Variants in UFL1 observed in about 807,000 individuals in gnomAD.
UFL1 encodes the protein UFM1 specific ligase 1.
Under a neutral mutation model 99.3 loss-of-function variants are expected in UFL1, and 78 were observed. The ratio of observed to expected loss-of-function variants is 0.79; its 90% CI spans 0.65 to 0.95. The LOEUF (loss-of-function observed/expected upper bound fraction) is 0.95. Ranked by LOEUF, UFL1 falls within the 40% of genes least tolerant of loss-of-function variation. UFL1 has a pLI of 0.00. For synonymous variants in UFL1, 335 were observed against 322.2 expected (o/e 1.04, Z -0.42); for missense variants, 936 against 937.0 (o/e 1.00, Z 0.01).
In UFL1 at chr6:96,553,520, T is replaced by A. The variant is rs55977444; in HGVS notation, c.*17T>A. 5.2e-5 allele frequency: 84 copies of A among 1,608,296 alleles called. No homozygotes were observed. Among genetic ancestry groups the A allele is most frequent in the Non-Finnish European group, 7.0e-5 (82 of 1,177,088 alleles). On this transcript the variant is annotated 3_prime_UTR_variant, in exon 19 of 19. Transcript: ENST00000369278. ...GAAGAGTAATGATCTTAATTTACAT[T>A]TGTCATATAGTAAGCATTTTCCCCC... is the stretch of plus-strand genomic sequence containing the variant.
chr6:96,537,457 T>C lies in UFL1; in HGVS notation c.886T>C (p.Leu296=), dbSNP rs750096768. The change falls in exon 9 of 19, where the codon TTG becomes CTG. Residue 296 remains leucine, a synonymous_variant. Coordinates refer to ENST00000369278, the MANE Select transcript of UFL1 (RefSeq NM_015323.5). The part of the protein sequence containing the change: ...KRYKTTQLLF[L]KAACVGQGLV... ...ATATAAGACTACACAACTCTTGTTT[T>C]TGAAAGCAGCTTGTGTTGGTCAAGG... 10 of 1,610,652 alleles carry C rather than the reference T, an allele frequency of 6.2e-6. No homozygotes were observed. In the African/African-American group the frequency reaches 9.4e-5, roughly 15 times the overall value.
Position 96,525,377 on chromosome 6 carries a change from G to T in UFL1, c.333G>T (p.Leu111Phe). ...IKSEKHVQLV[L>F]GQLIDENYLD... ...CAGAAAAGCATGTTCAGTTAGTGTT[G>T]GGACAACTGATAGATGAGTAAGTAC... The change falls in exon 4 of 19, where the codon TTG (leucine) becomes TTT (phenylalanine). Residue 111 changes from leucine to phenylalanine, a missense_variant. Leu to Phe is a conservative substitution (Grantham distance 22). Coordinates refer to ENST00000369278, the MANE Select transcript of UFL1 (RefSeq NM_015323.5). 1 of 1,604,270 alleles carries T rather than the reference G, an allele frequency of 6.2e-7. No individual in the cohort carries two copies. Among genetic ancestry groups the T allele is most frequent in the South Asian group, 1.1e-5 (1 of 89,220 alleles).
At chr6:96,538,913 A>G (rs1376526927) in intron 10 of UFL1, 103 bp downstream of exon 10, 18 of 1,000,246 alleles carry the variant, frequency 1.8e-5, no homozygotes, top group Admixed American at 3.0e-5. Context: ...AACACTTTGT[A>G]TCATTTATTA....
At chr6:96,541,967 G>T (rs1228434664) in intron 11 of UFL1, among the ~76,000 whole-genome samples, 1 of 150,972 alleles carries the variant, frequency 6.6e-6, no homozygotes, top group Non-Finnish European at 1.5e-5. Context: ...TTTAAATCTA[G>T]GATGTGATGA....
chr6:96,549,629 G>A (rs1770049310), intron 14 of UFL1, 40 bp from the exon 15 acceptor site: 1 of 1,588,276 alleles, frequency 6.3e-7, no homozygotes. Context: ...TCATAATTTG[G>A]GGAATAAATT....
intron 15 of UFL1, 102 bp downstream of exon 15, chr6:96,549,901 G>A (rs1770054340): frequency 4.8e-5 from 71 of 1,474,528 alleles, no homozygotes; most frequent in Non-Finnish European, 6.1e-5. Flanking sequence ...AAAATACAGT[G>A]AAAGAGGTTT....
At chr6:96,524,494 G>C (rs190505018) in intron 3 of UFL1, 84 bp downstream of exon 3, 3 of 1,043,832 alleles carry the variant, frequency 2.9e-6, no homozygotes, top group Non-Finnish European at 4.1e-6. Flanking sequence ...ACTAATGCTG[G>C]TATCATATTT....
At chr6:96,535,816 A>G (rs1401502315) in intron 7 of UFL1, among the ~76,000 whole-genome samples, 1 of 152,028 alleles carries the variant, frequency 6.6e-6, no homozygotes, top group East Asian at 1.9e-4. Flanking sequence ...ATTATAGTCT[A>G]GGTGTCTTGA....
chr6:96,551,672 G>A lies in UFL1; in HGVS notation c.1899+159G>A, dbSNP rs114456434. On this transcript the variant is annotated intron_variant, in intron 16 of 18. Coordinates refer to ENST00000369278, the MANE Select transcript of UFL1 (RefSeq NM_015323.5). ...ATGAGAAGAGAAGACCAAGCTGCTG[G>A]CATTTTACCATTGTTAGTTCTATAT... is the stretch of plus-strand genomic sequence containing the variant. Among the ~76,000 whole-genome samples, 609 of 151,990 alleles carry A rather than the reference G, an allele frequency of 4.0e-3. 3 individuals are homozygous for A. The highest frequency in any genetic ancestry group is 0.014 in the African/African-American group (588 of 41,474).
At position 96,521,845 on chromosome 6, in the gene UFL1, C is replaced by G. The variant is rs768835105; in HGVS notation, c.-29C>G. On this transcript the variant is annotated 5_prime_UTR_variant, in exon 1 of 19. Transcript: ENST00000369278. ...CCTGTCGGCTGACGTGTCTGCAGTT[C>G]CTCCGCGTCTACTGCGAGTCAGGCC... 1.2e-6 allele frequency: 2 copies of G among 1,603,172 alleles called. No individual in the cohort carries two copies. Among genetic ancestry groups the G allele is most frequent in the Non-Finnish European group, 1.7e-6 (2 of 1,175,698 alleles).
chr6:96,525,416 T>C, intron 4 of UFL1, 22 bp downstream of exon 4: 2 of 1,530,754 alleles, frequency 1.3e-6, no homozygotes, highest in Non-Finnish European at 1.8e-6. Flanking sequence ...AAAGTACAAA[T>C]TTAAGAGCAC....
In UFL1 at chr6:96,526,362, TGCAAGAA is replaced by T; in HGVS notation, c.393_399del (p.Gln132ValfsTer20). 13 of 1,613,688 alleles carry T rather than the reference TGCAAGAA, an allele frequency of 8.1e-6. No homozygotes were observed. The highest frequency in any genetic ancestry group is 1.1e-5 in the Non-Finnish European group (13 of 1,179,828). ...TTGGCAGAAGAGGTCAATGATAAAT[TGCAAGAA>T]AGTGGTCAGGTCACCATATCAGAAC... On this transcript the variant is annotated frameshift_variant, in exon 5 of 19. Coordinates refer to ENST00000369278, the MANE Select transcript of UFL1 (RefSeq NM_015323.5). LOFTEE classifies it high-confidence loss of function.
intron 4 of UFL1, 34 bp from the exon 5 acceptor site, chr6:96,526,287 C>A (rs778097329): frequency 6.5e-7 from 1 of 1,530,736 alleles, no homozygotes; most frequent in South Asian, 1.2e-5. Context: ...ATTCCTAATT[C>A]TTTTTTCTAT....
intron 6 of UFL1, among the ~76,000 whole-genome samples, chr6:96,529,846 C>A (rs1488095413): frequency 1.3e-5 from 2 of 152,158 alleles, no homozygotes; most frequent in Non-Finnish European, 2.9e-5. Flanking sequence ...AGCATGTATT[C>A]TAATGAAATG....
At chr6:96,527,665 A>C (rs1012640653) in intron 5 of UFL1, among the ~76,000 whole-genome samples, 4 of 152,124 alleles carry the variant, frequency 2.6e-5, no homozygotes, top group Non-Finnish European at 5.9e-5. Flanking sequence ...ATATATTTTT[A>C]AAATACTTCT....
In UFL1 at chr6:96,528,670, T is replaced by C. The variant is rs751896928; in HGVS notation, c.596+38T>C. 2.1e-5 allele frequency: 32 copies of C among 1,547,518 alleles called. No individual in the cohort carries two copies. The East Asian group carries it at 7.3e-4, about 35-fold the overall frequency. Reference sequence around the variant, plus strand: ...TAAAGTATATATATTTGCACATTTCTTTGATCATGGTTTGCATTTTTTTCC... The same window carrying C: ...TAAAGTATATATATTTGCACATTTCCTTGATCATGGTTTGCATTTTTTTCC... On this transcript the variant is annotated intron_variant, in intron 6 of 18. Coordinates refer to ENST00000369278, the MANE Select transcript of UFL1 (RefSeq NM_015323.5).
At chr6:96,546,968 C>G (rs1233471175) in intron 12 of UFL1, among the ~76,000 whole-genome samples, 5 of 151,568 alleles carry the variant, frequency 3.3e-5, no homozygotes, top group Admixed American at 2.0e-4. Context: ...AAAGCAAATG[C>G]ACCAAAACCA....
At position 96,524,164 on chromosome 6, in the gene UFL1, A is replaced by AT. The variant is rs1769667271; in HGVS notation, c.224-215dup. Among the ~76,000 whole-genome samples, 8 of 150,730 alleles carry AT rather than the reference A, an allele frequency of 5.3e-5. No individual in the cohort carries two copies. In the South Asian group the frequency reaches 1.5e-3, roughly 28 times the overall value. On this transcript the variant is annotated intron_variant, in intron 2 of 18. Transcript: ENST00000369278. ...TGGTGCTCATAATTGGCCTGATGTT[A>AT]TTTAAAAAAAAAAAAAAAATTGAAA...
rs781317366 is a variant in UFL1, at chr6:96,549,792, C to T, written c.1811C>T (p.Thr604Ile). 1.9e-6 allele frequency: 3 copies of T among 1,611,230 alleles called. No individual in the cohort carries two copies. In the East Asian group the frequency reaches 6.7e-5, roughly 36 times the overall value. The change falls in exon 15 of 19, where the codon ACA (threonine) becomes ATA (isoleucine). Residue 604 changes from threonine to isoleucine, a missense_variant. Thr to Ile is a moderately conservative substitution (Grantham distance 89). Transcript: ENST00000369278. ...MMAVDDPAAI[T>I]SEIRKKILSK... Reference sequence around the variant, plus strand: ...GCAGTAGACGATCCTGCAGCCATTACAAGTGAAGTATGTTAATGATCTCCC... The same window carrying T: ...GCAGTAGACGATCCTGCAGCCATTATAAGTGAAGTATGTTAATGATCTCCC...
Sources: gnomAD v4.1 joint callset for allele counts (sites outside exome capture counted in the v4.1 genomes callset) on GRCh38, gnomAD v4.1.1 for gene constraint, MANE v1.5 for transcripts, NCBI Gene and HGNC (gene_info 2026-07-23, HGNC 2026-07-21) for gene names.